Variants in ANO10 observed in about 807,000 individuals in gnomAD.
ANO10 encodes anoctamin-10.
In ANO10, 77 loss-of-function variants were observed where a neutral mutation model predicts 74.7. That is an observed-to-expected ratio of 1.03 (90% CI 0.86 to 1.25). ANO10 has a LOEUF of 1.25. ANO10 is among the 50% of genes most tolerant of loss of function. The probability of loss-of-function intolerance (pLI) is 0.00; values close to 1 mark genes in which losing one functional copy is unlikely to be tolerated. For missense variants in ANO10, 721 were observed against 778.1 expected, an observed-to-expected ratio of 0.93 and a Z score of 0.87; for synonymous variants, 279 against 284.9, an observed-to-expected ratio of 0.98 and a Z score of 0.21.
At chr3:43,652,883 T>C (rs959276696) in intron 1 of ANO10, 4 of 151,956 alleles carry the variant, frequency 2.6e-5, no homozygotes, top group African/African-American at 7.3e-5. Flanking sequence ...ATCATTAATA[T>C]AGAGAGAGTA....
At chr3:43,480,382 G>C (rs1438701346) in intron 11 of ANO10, among the ~76,000 whole-genome samples, 1 of 152,150 alleles carries the variant, frequency 6.6e-6, no homozygotes, top group South Asian at 2.1e-4. Context: ...GACCACAAAG[G>C]CATATCATTG....
At chr3:43,665,766 T>C (rs1161275071) in intron 1 of ANO10, among the ~76,000 whole-genome samples, 1 of 152,224 alleles carries the variant, frequency 6.6e-6, no homozygotes, top group African/African-American at 2.4e-5. Context: ...TTAGCTAGTT[T>C]AAATGTAATT....
intron 12 of ANO10, among the ~76,000 whole-genome samples, chr3:43,418,564 CAATGATTA>C (rs1396596597): frequency 6.6e-6 from 1 of 152,226 alleles, no homozygotes; most frequent in Non-Finnish European, 1.5e-5. Flanking sequence ...CTGGCTTCAA[CAATGATTA>C]ACTCATAGCC....
chr3:43,609,842 G>A (rs932717963), intron 1 of ANO10, among the ~76,000 whole-genome samples: 11 of 152,160 alleles, frequency 7.2e-5, no homozygotes, highest in Admixed American at 6.5e-4. Context: ...GAATACACCT[G>A]TATAGGGTAT....
In ANO10 at chr3:43,605,807, T is replaced by G; in HGVS notation, c.46A>C (p.Thr16Pro). Residue 16 changes from threonine (T) to proline (P), a missense_variant, in exon 2 of 13, where the codon ACA (threonine) becomes CCA (proline). Physicochemically the swap from Thr to Pro is conservative, Grantham distance 38 (BLOSUM62 -1). Transcript: ENST00000292246. ...GCAAGTTCTATGACCACCAAAGGTG[T>G]GAAAGAACTCTCAGAAGTATCCAAA... ...SALDTSESSFTPLVVIELAQD... is the reference protein window; with the variant it reads ...SALDTSESSFPPLVVIELAQD... The G allele has an allele frequency of 6.2e-7, 1 of 1,613,774 alleles. No homozygotes were observed. Among genetic ancestry groups the G allele is most frequent in the East Asian group, 2.2e-5 (1 of 44,856 alleles).
At chr3:43,530,630 TA>T (rs1432552515) in intron 11 of ANO10, among the ~76,000 whole-genome samples, 1 of 152,070 alleles carries the variant, frequency 6.6e-6, no homozygotes, top group Admixed American at 6.6e-5. Flanking sequence ...CACATTCACA[TA>T]ACTTTTATTA....
At chr3:43,674,842 A>G (rs1211449171) in intron 1 of ANO10, among the ~76,000 whole-genome samples, 7 of 152,180 alleles carry the variant, frequency 4.6e-5, no homozygotes, top group African/African-American at 1.7e-4. Context: ...CCATCCATCC[A>G]TCATTAGATG....
At chr3:43,615,576 C>T (rs550012140) in intron 1 of ANO10, among the ~76,000 whole-genome samples, 7 of 152,090 alleles carry the variant, frequency 4.6e-5, no homozygotes, top group Non-Finnish European at 1.0e-4. Context: ...AGAAGCCTCA[C>T]ATTTTCAACA....
chr3:43,369,925 C>T (rs1395996881), intron 12 of ANO10, among the ~76,000 whole-genome samples: 1 of 152,202 alleles, frequency 6.6e-6, no homozygotes, highest in Non-Finnish European at 1.5e-5. Context: ...CTCTACCTCC[C>T]TTGGCTGCAA....
At chr3:43,518,335 G>A (rs984837612) in intron 11 of ANO10, among the ~76,000 whole-genome samples, 2 of 152,098 alleles carry the variant, frequency 1.3e-5, no homozygotes, top group Admixed American at 1.3e-4. Context: ...AATTTCCTAT[G>A]CCTGTCTTTA....
intron 11 of ANO10, among the ~76,000 whole-genome samples, chr3:43,443,210 T>C (rs1348682254): frequency 2.0e-5 from 3 of 152,220 alleles, no homozygotes; most frequent in African/African-American, 7.2e-5. Context: ...CTGGGCTGCC[T>C]GCATGGGTGA....
At chr3:43,628,824 T>C (rs2083517392) in intron 1 of ANO10, among the ~76,000 whole-genome samples, 1 of 152,106 alleles carries the variant, frequency 6.6e-6, no homozygotes. Context: ...ACCTAATAAA[T>C]TTTGGTCAGA....
chr3:43,409,740 A>C (rs945873073), intron 12 of ANO10, among the ~76,000 whole-genome samples: 1 of 152,230 alleles, frequency 6.6e-6, no homozygotes, highest in Non-Finnish European at 1.5e-5. Context: ...AAGAACAACT[A>C]TAACCAATGA....
chr3:43,611,820 T>C (rs1575544368), intron 1 of ANO10, among the ~76,000 whole-genome samples: 1 of 152,134 alleles, frequency 6.6e-6, no homozygotes, highest in East Asian at 1.9e-4. Flanking sequence ...AGAACAAATA[T>C]GATAAGGCTG....
intron 11 of ANO10, among the ~76,000 whole-genome samples, chr3:43,543,653 C>G (rs1051557988): frequency 6.6e-6 from 1 of 152,236 alleles, no homozygotes; most frequent in Non-Finnish European, 1.5e-5. Flanking sequence ...TCCCAAAGTG[C>G]TAGGATTACA....
intron 12 of ANO10, among the ~76,000 whole-genome samples, chr3:43,376,409 T>C (rs1030727888): frequency 2.0e-5 from 3 of 152,276 alleles, no homozygotes; most frequent in African/African-American, 7.2e-5. Context: ...ACAGGGGCAG[T>C]ATTTTGACAC....
intron 1 of ANO10, among the ~76,000 whole-genome samples, chr3:43,673,362 G>A (rs144112131): frequency 1.4e-3 from 211 of 152,298 alleles, no homozygotes; most frequent in African/African-American, 4.9e-3. Flanking sequence ...TTTTCAAAAC[G>A]GGATGGGGGA....
intron 11 of ANO10, among the ~76,000 whole-genome samples, chr3:43,491,795 G>A (rs1553687767): frequency 6.6e-6 from 1 of 152,020 alleles, no homozygotes; most frequent in Non-Finnish European, 1.5e-5. Context: ...TACAGAATAT[G>A]ATATAATATA....
intron 1 of ANO10, among the ~76,000 whole-genome samples, chr3:43,656,784 C>T (rs1320007190): frequency 6.6e-6 from 1 of 152,240 alleles, no homozygotes; most frequent in Admixed American, 6.5e-5. Context: ...CTGCACACAG[C>T]CCGGGTTCCT....
Sources: allele counts gnomAD v4.1 joint callset (sites outside exome capture counted in the v4.1 genomes callset), GRCh38; gene constraint gnomAD v4.1.1; transcripts MANE v1.5; gene names NCBI Gene and HGNC (gene_info 2026-07-23, HGNC 2026-07-21).